Variants in DLG2 observed in about 807,000 individuals in gnomAD.
The protein encoded by DLG2 is disks large homolog 2.
A neutral mutation model predicts 132.5 loss-of-function variants in DLG2; 45 were observed. That is an observed-to-expected ratio of 0.34 (90% CI 0.27 to 0.44). The LOEUF (loss-of-function observed/expected upper bound fraction) is 0.44. DLG2 is among the 20% of genes least tolerant of loss of function. The pLI is 1.00. For missense variants in DLG2, 1,045 were observed against 1,196.9 expected, an observed-to-expected ratio of 0.87 and a Z score of 1.87; for synonymous variants, 424 against 419.6, an observed-to-expected ratio of 1.01 and a Z score of -0.13.
intron 18 of DLG2, among the ~76,000 whole-genome samples, chr11:83,776,363 C>T (rs1390196726): frequency 2.0e-5 from 3 of 152,270 alleles, no homozygotes; most frequent in East Asian, 1.9e-4. Context: ...CTCTGTCCTG[C>T]AAGCTGGATT....
chr11:84,028,047 C>T (rs948645086), intron 11 of DLG2, among the ~76,000 whole-genome samples: 1 of 147,536 alleles, frequency 6.8e-6, no homozygotes, highest in African/African-American at 2.6e-5. Flanking sequence ...TTTACTTGTC[C>T]AGATTAAAAA....
chr11:84,005,425 G>C (rs1374645341), intron 11 of DLG2, among the ~76,000 whole-genome samples: 1 of 151,900 alleles, frequency 6.6e-6, no homozygotes, highest in African/African-American at 2.4e-5. Context: ...AACACTTCAT[G>C]ACACTAATCT....
At chr11:83,918,716 G>A (rs1013794276) in intron 15 of DLG2, among the ~76,000 whole-genome samples, 2 of 152,040 alleles carry the variant, frequency 1.3e-5, no homozygotes, top group Non-Finnish European at 2.9e-5. Context: ...CCTGCCTGAG[G>A]AAAGAGGCCT....
chr11:85,371,308 T>G (rs2084956518), intron 3 of DLG2, among the ~76,000 whole-genome samples: 1 of 152,198 alleles, frequency 6.6e-6, no homozygotes, highest in African/African-American at 2.4e-5. Context: ...AATCCATGTT[T>G]TGTTTTTCAG....
chr11:84,723,148 T>A (rs1235024615), intron 6 of DLG2, among the ~76,000 whole-genome samples: 1 of 152,186 alleles, frequency 6.6e-6, no homozygotes, highest in Non-Finnish European at 1.5e-5. Flanking sequence ...CCCTTATTCA[T>A]TAGCCTATAA....
At chr11:85,541,550 A>G (rs1378443181) in intron 3 of DLG2, among the ~76,000 whole-genome samples, 1 of 151,700 alleles carries the variant, frequency 6.6e-6, no homozygotes, top group African/African-American at 2.4e-5. Flanking sequence ...TTGGGTCAAT[A>G]AATGACTTAG....
chr11:85,196,838 G>A (rs1488949835), intron 4 of DLG2, among the ~76,000 whole-genome samples: 10 of 152,096 alleles, frequency 6.6e-5, no homozygotes, highest in Non-Finnish European at 1.5e-4. Context: ...CAAATATAAA[G>A]GAAAGTGTTA....
At chr11:84,656,672 A>G (rs888724118) in intron 6 of DLG2, among the ~76,000 whole-genome samples, 1 of 152,154 alleles carries the variant, frequency 6.6e-6, no homozygotes, top group African/African-American at 2.4e-5. Flanking sequence ...AAACAGAGAG[A>G]TCACAGTTCA....
chr11:83,931,125 A>G (rs1024440639), intron 14 of DLG2, among the ~76,000 whole-genome samples: 1 of 152,220 alleles, frequency 6.6e-6, no homozygotes, highest in Non-Finnish European at 1.5e-5. Context: ...AATAGTATAA[A>G]TAGGGCCTAC....
chr11:84,960,049 T>A (rs1372163959), intron 6 of DLG2, among the ~76,000 whole-genome samples: 1 of 152,214 alleles, frequency 6.6e-6, no homozygotes, highest in African/African-American at 2.4e-5. Context: ...ATTTTGCACA[T>A]ACCATCTCAT....
chr11:84,629,820 G>T (rs1264339494), intron 6 of DLG2, among the ~76,000 whole-genome samples: 7 of 152,046 alleles, frequency 4.6e-5, no homozygotes, highest in Middle Eastern at 3.2e-3. Flanking sequence ...CTGTGAAAGG[G>T]GAGAAAAGGA....
At chr11:84,625,486 G>C (rs1350623335) in intron 6 of DLG2, among the ~76,000 whole-genome samples, 2 of 152,188 alleles carry the variant, frequency 1.3e-5, no homozygotes, top group African/African-American at 4.8e-5. Flanking sequence ...ATCAAATCAA[G>C]TCTGAAGTTT....
intron 2 of DLG2, among the ~76,000 whole-genome samples, chr11:85,617,506 CA>C (rs2081418548): frequency 6.6e-6 from 1 of 152,232 alleles, no homozygotes; most frequent in African/African-American, 2.4e-5. Flanking sequence ...AAGATTCATA[CA>C]GGCAGAGATT....
chr11:83,840,728 A>G (rs1243275255), intron 16 of DLG2, among the ~76,000 whole-genome samples: 1 of 152,218 alleles, frequency 6.6e-6, no homozygotes, highest in Non-Finnish European at 1.5e-5. Context: ...CAAACTAAAG[A>G]TGTCTGTTAT....
intron 6 of DLG2, among the ~76,000 whole-genome samples, chr11:84,604,468 T>A (rs1198280750): frequency 6.6e-6 from 1 of 151,944 alleles, no homozygotes; most frequent in East Asian, 1.9e-4. Flanking sequence ...ATTTAAACTT[T>A]ATGTTAAAGG....
At chr11:83,957,858 C>T (rs2087319425) in intron 14 of DLG2, among the ~76,000 whole-genome samples, 1 of 152,140 alleles carries the variant, frequency 6.6e-6, no homozygotes, top group East Asian at 1.9e-4. Flanking sequence ...TCACCACTTT[C>T]TACTTTTTAT....
chr11:84,915,310 A>G (rs766170647), intron 6 of DLG2, among the ~76,000 whole-genome samples: 1 of 152,178 alleles, frequency 6.6e-6, no homozygotes, highest in African/African-American at 2.4e-5. Context: ...CTTGACCAAC[A>G]TTATAAAAAA....
At chr11:83,785,321 TG>T (rs1439577395) in intron 18 of DLG2, among the ~76,000 whole-genome samples, 1 of 152,212 alleles carries the variant, frequency 6.6e-6, no homozygotes, top group African/African-American at 2.4e-5. Context: ...CCCAAAGTGC[TG>T]GGATTACAGG....
At chr11:84,819,076 T>TACACACACACACACACACACACACACAC (rs111644735) in intron 6 of DLG2, among the ~76,000 whole-genome samples, 6 of 129,420 alleles carry the variant, frequency 4.6e-5, no homozygotes, top group Non-Finnish European at 9.9e-5. Context: ...CACTCACAAA[T>TACACACACACACACACACACACACACAC]ACACACACAC....
Sources: gnomAD v4.1 joint callset for allele counts (sites outside exome capture counted in the v4.1 genomes callset) on GRCh38, gnomAD v4.1.1 for gene constraint, MANE v1.5 for transcripts, NCBI Gene and HGNC (gene_info 2026-07-23, HGNC 2026-07-21) for gene names.